Variants in TENM4 observed in about 807,000 individuals in gnomAD.
TENM4 encodes teneurin-4.
TENM4 carries 82 observed loss-of-function variants against 243.3 expected under a neutral mutation model. The ratio of observed to expected loss-of-function variants is 0.34; its 90% CI spans 0.28 to 0.40. The LOEUF is 0.40. Ranked by LOEUF, TENM4 falls within the 10% of genes least tolerant of loss-of-function variation. The pLI, the probability that TENM4 is intolerant of heterozygous loss-of-function variation, is 1.00. For missense variants in TENM4, 3,138 were observed against 3,673.3 expected, an observed-to-expected ratio of 0.85 and a Z score of 3.77; for synonymous variants, 1,412 against 1,456.3, an observed-to-expected ratio of 0.97 and a Z score of 0.69.
chr11:79,301,541 A>C (rs1856548886), intron 1 of TENM4, among the ~76,000 whole-genome samples: 1 of 152,228 alleles, frequency 6.6e-6, no homozygotes, highest in South Asian at 2.1e-4. Context: ...CCTTTGCAGC[A>C]CATCTCACAA....
At chr11:79,385,875 C>G (rs375090784) in intron 1 of TENM4, among the ~76,000 whole-genome samples, 1 of 152,250 alleles carries the variant, frequency 6.6e-6, no homozygotes, top group East Asian at 1.9e-4. Flanking sequence ...TACCACACAC[C>G]TGCACCCTCC....
At chr11:78,775,947 G>A (rs528904906) in intron 17 of TENM4, among the ~76,000 whole-genome samples, 2 of 152,284 alleles carry the variant, frequency 1.3e-5, no homozygotes, top group South Asian at 4.2e-4. Context: ...CAGAATCCTT[G>A]AAGGTATTTA....
intron 6 of TENM4, among the ~76,000 whole-genome samples, chr11:78,920,034 G>A (rs1029664276): frequency 1.3e-5 from 2 of 152,068 alleles, no homozygotes; most frequent in African/African-American, 4.8e-5. Context: ...TGAGCCCCTC[G>A]AGATGCCTCT....
chr11:79,259,620 T>C, intron 2 of TENM4, among the ~76,000 whole-genome samples: 1 of 150,564 alleles, frequency 6.6e-6, no homozygotes, highest in Admixed American at 6.6e-5. Context: ...CATCCATCCC[T>C]CCACCCATCC....
At chr11:79,379,312 T>A (rs1047312740) in intron 1 of TENM4, among the ~76,000 whole-genome samples, 1 of 152,150 alleles carries the variant, frequency 6.6e-6, no homozygotes, top group Non-Finnish European at 1.5e-5. Context: ...TAAGTTTTAT[T>A]TTAATTGTGA....
intron 12 of TENM4, among the ~76,000 whole-genome samples, chr11:78,818,291 C>G (rs940143284): frequency 1.3e-5 from 2 of 152,190 alleles, no homozygotes; most frequent in Non-Finnish European, 2.9e-5. Flanking sequence ...TTGTTAGATT[C>G]TGATTTCCGG....
intron 4 of TENM4, among the ~76,000 whole-genome samples, chr11:79,124,597 A>ATATG (rs1861823282): frequency 6.6e-6 from 1 of 150,996 alleles, no homozygotes; most frequent in African/African-American, 2.4e-5. Context: ...TATCATATAT[A>ATATG]TATGTGTGTG....
At chr11:79,391,720 A>G (rs1194159043) in intron 1 of TENM4, among the ~76,000 whole-genome samples, 1 of 152,160 alleles carries the variant, frequency 6.6e-6, no homozygotes, top group East Asian at 1.9e-4. Context: ...AATGGCTTTG[A>G]TTATGGAGCA....
At chr11:79,149,514 T>C (rs1862459960) in intron 3 of TENM4, among the ~76,000 whole-genome samples, 1 of 151,304 alleles carries the variant, frequency 6.6e-6, no homozygotes, top group East Asian at 1.9e-4. Context: ...GAGAGTTAGT[T>C]GGAAGTATTT....
Position 78,669,480 on chromosome 11 carries a change from C to T in TENM4, c.6865G>A (p.Val2289Ile), listed in dbSNP as rs1346694651. The change falls in exon 32 of 34, where the codon GTC (valine) becomes ATC (isoleucine). Residue 2289 changes from valine to isoleucine, a missense_variant. Physicochemically the swap from Val to Ile is conservative, Grantham distance 29. Coordinates refer to ENST00000278550, the MANE Select transcript of TENM4 (RefSeq NM_001098816.3). This position sits in a 1 kb window ranked among gnomAD's most constrained non-coding sequence, Gnocchi z 6.4. ...CCCAGGCCATCGTAGCGGTACCTGACACTCCAGCTGCCAGCCCGGTTGTAG... is the reference window on the plus strand; with the variant it reads ...CCCAGGCCATCGTAGCGGTACCTGATACTCCAGCTGCCAGCCCGGTTGTAG... ...KAYNRAGSWS[V>I]RYRYDGLGRR... The T allele has an allele frequency of 1.2e-6, 2 of 1,613,670 alleles. No individual in the cohort carries two copies. Among genetic ancestry groups the T allele is most frequent in the African/African-American group, 2.7e-5 (2 of 74,910 alleles).
chr11:79,095,793 C>T lies in TENM4; in HGVS notation c.-65-25784G>A, dbSNP rs541482962. On this transcript the variant is annotated intron_variant, in intron 4 of 33. Coordinates refer to ENST00000278550, the MANE Select transcript of TENM4 (RefSeq NM_001098816.3). ...AGTCATCAGTATTTCTTTCAGTAACCTGGCAAAGTATTTTAAATGTGATTT... is the reference window on the plus strand; with the variant it reads ...AGTCATCAGTATTTCTTTCAGTAACTTGGCAAAGTATTTTAAATGTGATTT... Among the ~76,000 whole-genome samples the T allele has an allele frequency of 3.9e-5, 6 of 152,338 alleles. No homozygotes were observed. In the East Asian group the frequency reaches 1.2e-3, roughly 29 times the overall value.
Position 79,436,953 on chromosome 11 carries a change from T to C in TENM4, c.-321+3556A>G, listed in dbSNP as rs1859283595. Reference sequence around the variant, plus strand: ...TAAAAGCTTCCCCGAATTAGCCCCCTAAAAGCACACAAACATCTATGCCCT... The same window carrying C: ...TAAAAGCTTCCCCGAATTAGCCCCCCAAAAGCACACAAACATCTATGCCCT... On this transcript the variant is annotated intron_variant, in intron 1 of 33. Coordinates refer to ENST00000278550, the MANE Select transcript of TENM4 (RefSeq NM_001098816.3). Among the ~76,000 whole-genome samples, 2 of 152,156 alleles carry C rather than the reference T, an allele frequency of 1.3e-5. 1 individual carries two copies. The highest frequency in any genetic ancestry group is 1.3e-4 in the Admixed American group (2 of 15,276).
At position 78,668,610 on chromosome 11, in the gene TENM4, T is replaced by C. The variant is rs1182488486; in HGVS notation, c.7408+327A>G. Reference sequence around the variant, plus strand: ...GGATTTCATGGTGAAAAAAGGGCTTTTACGGTCAAATAAGTTTGAGAAATA... The same window carrying C: ...GGATTTCATGGTGAAAAAAGGGCTTCTACGGTCAAATAAGTTTGAGAAATA... On this transcript the variant is annotated intron_variant, in intron 32 of 33. Transcript: ENST00000278550. Among the ~76,000 whole-genome samples, 3 of 152,338 alleles carry C rather than the reference T, an allele frequency of 2.0e-5. No individual in the cohort carries two copies. In the East Asian group the frequency reaches 5.8e-4, roughly 29 times the overall value.
intron 26 of TENM4, 114 bp downstream of exon 26, chr11:78,712,368 A>G: frequency 2.3e-6 from 2 of 863,328 alleles, no homozygotes; most frequent in Non-Finnish European, 3.6e-6. Context: ...ACCATCCTCC[A>G]TATATTTCTT....
intron 11 of TENM4, among the ~76,000 whole-genome samples, chr11:78,855,745 T>A (rs941060018): frequency 6.6e-6 from 1 of 152,216 alleles, no homozygotes; most frequent in Non-Finnish European, 1.5e-5. Context: ...GAAAGGCTGT[T>A]AAGAGATTTC....
chr11:78,725,010 G>A (rs1342245472), intron 23 of TENM4, among the ~76,000 whole-genome samples: 1 of 152,202 alleles, frequency 6.6e-6, no homozygotes, highest in Non-Finnish European at 1.5e-5. Context: ...GAAGTGAGGT[G>A]AGTGAGAAGC....
At chr11:79,424,254 C>T (rs1407503537) in intron 1 of TENM4, among the ~76,000 whole-genome samples, 2 of 152,106 alleles carry the variant, frequency 1.3e-5, no homozygotes, top group Non-Finnish European at 2.9e-5. Context: ...GGATGCTGCC[C>T]AACATCCGTG....
chr11:79,165,471 C>A (rs1862891339), intron 3 of TENM4, among the ~76,000 whole-genome samples: 2 of 152,090 alleles, frequency 1.3e-5, no homozygotes, highest in Admixed American at 1.3e-4. Flanking sequence ...ATGTTCTTAG[C>A]CTACTTTTTG....
chr11:78,998,633 C>A (rs888870635), intron 6 of TENM4, among the ~76,000 whole-genome samples: 1 of 151,948 alleles, frequency 6.6e-6, no homozygotes, highest in Non-Finnish European at 1.5e-5. Flanking sequence ...CTGTCCACCA[C>A]GCCTTGGCCA....
Sources: allele counts gnomAD v4.1 joint callset (sites outside exome capture counted in the v4.1 genomes callset), GRCh38; gene constraint gnomAD v4.1.1; non-coding constraint Gnocchi (gnomAD v3.1); transcripts MANE v1.5; gene names NCBI Gene and HGNC (gene_info 2026-07-23, HGNC 2026-07-21).